ZBTB16: variants seen among roughly 807,000 people sequenced by gnomAD.
ZBTB16 encodes zinc finger and BTB domain-containing protein 16.
Under a neutral mutation model 56.8 loss-of-function variants are expected in ZBTB16, and 8 were observed. The observed-to-expected ratio is 0.14, with a 90% CI of 0.08 to 0.25. ZBTB16 has a LOEUF of 0.25. ZBTB16 is among the 10% of genes least tolerant of loss of function. ZBTB16 has a pLI of 1.00. For synonymous variants in ZBTB16, 363 were observed against 368.5 expected, an observed-to-expected ratio of 0.98 and a Z score of 0.17; for missense variants, 625 against 903.0, an observed-to-expected ratio of 0.69 and a Z score of 3.95.
chr11:114,064,114 G>T lies in ZBTB16; in HGVS notation c.814G>T (p.Val272Phe). Residue 272 changes from valine (V) to phenylalanine (F), a missense_variant, in exon 2 of 7, where the codon GTT becomes TTT. Coordinates refer to ENST00000335953, the MANE Select transcript of ZBTB16 (RefSeq NM_006006.6). The surrounding 1 kb of genome is among the most constrained non-coding windows in gnomAD (Gnocchi z 4.2). Reference protein sequence around the residue: ...SSISGGMGDKVEERGKEGPGT... With the variant: ...SSISGGMGDKFEERGKEGPGT... ...CATCTCAGGAGGGATGGGGGACAAGGTTGAGGAAAGAGGCAAAGAGGGGCC... is the reference window on the plus strand; with the variant it reads ...CATCTCAGGAGGGATGGGGGACAAGTTTGAGGAAAGAGGCAAAGAGGGGCC... The T allele has an allele frequency of 6.2e-7, 1 of 1,613,946 alleles. No homozygotes were observed. Among genetic ancestry groups the T allele is most frequent in the African/African-American group, 1.3e-5 (1 of 75,062 alleles).
At chr11:114,226,860 G>C in intron 4 of ZBTB16, among the ~76,000 whole-genome samples, 1 of 152,126 alleles carries the variant, frequency 6.6e-6, no homozygotes, top group East Asian at 1.9e-4. Flanking sequence ...TGGGCAATGT[G>C]CTCTTTTATT....
intron 4 of ZBTB16, among the ~76,000 whole-genome samples, chr11:114,218,040 A>G (rs572352797): frequency 6.6e-6 from 1 of 152,076 alleles, no homozygotes; most frequent in South Asian, 2.1e-4. Context: ...CTGGGGTAGG[A>G]GAGAAGAGGC....
chr11:114,250,509 C>A lies in ZBTB16; in HGVS notation c.1976C>A (p.Pro659His). ...GGCCACAAGCCCGAGGAGATCCCGCCCGACTGGAGGATAGAGAAGACGTAC... is the reference window on the plus strand; with the variant it reads ...GGCCACAAGCCCGAGGAGATCCCGCACGACTGGAGGATAGAGAAGACGTAC... ...MKGHKPEEIP[P>H]DWRIEKTYLY... The change falls in exon 7 of 7, where the codon CCC becomes CAC. Residue 659 changes from proline (P) to histidine (H), a missense_variant. Coordinates refer to ENST00000335953, the MANE Select transcript of ZBTB16 (RefSeq NM_006006.6). The surrounding 1 kb of genome is among the most constrained non-coding windows in gnomAD (Gnocchi z 6.0). 1 of 1,614,150 alleles carries A rather than the reference C, an allele frequency of 6.2e-7. No homozygotes were observed. Among genetic ancestry groups the A allele is most frequent in the Non-Finnish European group, 8.5e-7 (1 of 1,180,034 alleles).
intron 3 of ZBTB16, among the ~76,000 whole-genome samples, chr11:114,182,707 G>A (rs187070219): frequency 2.0e-5 from 3 of 152,068 alleles, no homozygotes; most frequent in Non-Finnish European, 4.4e-5. Flanking sequence ...CTCCCACTTC[G>A]CCCCCTCCCA....
At position 114,143,497 on chromosome 11, in the gene ZBTB16, T is replaced by A. The variant is rs1472503588; in HGVS notation, c.1269-12840T>A. ...GCTTCTAGGGATGGTACTGACCCTC[T>A]TGCCTAGTGAAATGTCCTTTTGGAA... On this transcript the variant is annotated intron_variant, in intron 2 of 6. Coordinates refer to ENST00000335953, the MANE Select transcript of ZBTB16 (RefSeq NM_006006.6). The surrounding 1 kb of genome is among the most constrained non-coding windows in gnomAD (Gnocchi z 6.4). Among the ~76,000 whole-genome samples, 1 of 152,158 alleles carries A rather than the reference T, an allele frequency of 6.6e-6. No homozygotes were observed. Among genetic ancestry groups the A allele is most frequent in the Non-Finnish European group, 1.5e-5 (1 of 68,012 alleles).
In ZBTB16 at chr11:114,059,949, G is replaced by A. The variant is rs1591626743; in HGVS notation, c.-91+67G>A. 7.6e-6 allele frequency: 3 copies of A among 395,538 alleles called. No homozygotes were observed. Among genetic ancestry groups the A allele is most frequent in the Non-Finnish European group, 1.3e-5 (3 of 224,488 alleles). 24.5% of individuals were successfully genotyped at this position (395,538 alleles called of 1,614,324 possible). ...CCGCGCGCCGGGGCTTCCCGGGGCT[G>A]GAGAGGTCTGGGGGGCGCGCGCTCG... On this transcript the variant is annotated intron_variant, in intron 1 of 6. Transcript: ENST00000335953. This position sits in a 1 kb window ranked among gnomAD's most constrained non-coding sequence, Gnocchi z 5.3.
At chr11:114,068,538 A>G (rs1939212031) in intron 2 of ZBTB16, among the ~76,000 whole-genome samples, 1 of 152,232 alleles carries the variant, frequency 6.6e-6, no homozygotes, top group African/African-American at 2.4e-5. Context: ...TGGGAAGACC[A>G]GACAAAGGCA....
At chr11:114,241,681 C>G (rs2135198808) in intron 4 of ZBTB16, among the ~76,000 whole-genome samples, 1 of 152,250 alleles carries the variant, frequency 6.6e-6, no homozygotes, top group African/African-American at 2.4e-5. Context: ...GCCTCAGTCT[C>G]CTTGTCTAAG....
At chr11:114,171,363 C>T (rs943366018) in intron 3 of ZBTB16, among the ~76,000 whole-genome samples, 13 of 152,320 alleles carry the variant, frequency 8.5e-5, no homozygotes, top group Non-Finnish European at 1.6e-4. Flanking sequence ...CACTGAACTC[C>T]ACCCCCATCC....
intron 3 of ZBTB16, among the ~76,000 whole-genome samples, chr11:114,183,880 G>T (rs141073191): frequency 0.01 from 1,565 of 152,324 alleles, 12 homozygotes; most frequent in Non-Finnish European, 0.016. Context: ...TGTCATGACT[G>T]CTTTGCTGTC....
chr11:114,177,242 C>T lies in ZBTB16; in HGVS notation c.1367-9710C>T, dbSNP rs147048010. ...GAGGCTGCGAAGTTGATGCTGGTAC[C>T]GTACCGGTAGAACCTTAAAGCCGTC... is the stretch of plus-strand genomic sequence containing the variant. On this transcript the variant is annotated intron_variant, in intron 3 of 6. Transcript: ENST00000335953. 4.8e-3 allele frequency among the ~76,000 whole-genome samples: 731 copies of T among 152,268 alleles called. 8 individuals carry two copies. Among genetic ancestry groups the T allele is most frequent in the African/African-American group, 0.015 (643 of 41,554 alleles).
chr11:114,135,071 G>A (rs951544418), intron 2 of ZBTB16, among the ~76,000 whole-genome samples: 1 of 152,210 alleles, frequency 6.6e-6, no homozygotes, highest in Non-Finnish European at 1.5e-5. Flanking sequence ...AGATCACACA[G>A]CTGTATACCC....
chr11:114,148,453 G>GTCCCTCTC (rs1196013929), intron 2 of ZBTB16, among the ~76,000 whole-genome samples: 1 of 53,770 alleles, frequency 1.9e-5, no homozygotes, highest in African/African-American at 6.3e-5. Context: ...CTCTCTGTCT[G>GTCCCTCTC]TCTGTCTCTC....
At chr11:114,198,439 T>C (rs17116632) in intron 4 of ZBTB16, among the ~76,000 whole-genome samples, 26,803 of 152,158 alleles carry the variant, frequency 0.18, 2,912 homozygotes, top group Middle Eastern at 0.33. Flanking sequence ...AGCTGCTTGC[T>C]GTAGAGTAGG....
At chr11:114,068,446 G>A (rs781036404) in intron 2 of ZBTB16, among the ~76,000 whole-genome samples, 7 of 152,062 alleles carry the variant, frequency 4.6e-5, no homozygotes, top group East Asian at 1.9e-4. Context: ...TTCCTGCAGC[G>A]GACAGCAAGA....
intron 4 of ZBTB16, among the ~76,000 whole-genome samples, chr11:114,235,659 T>TTTCC (rs1944555828): frequency 4.2e-5 from 1 of 23,710 alleles, no homozygotes; most frequent in East Asian, 2.4e-3. Flanking sequence ...TCTTTCTTTC[T>TTTCC]TTCTTTCTTT....
chr11:114,185,532 G>C (rs1279850139), intron 3 of ZBTB16, among the ~76,000 whole-genome samples: 1 of 152,234 alleles, frequency 6.6e-6, no homozygotes, highest in African/African-American at 2.4e-5. Context: ...GGGAGGCGTT[G>C]TATCTTCTTG....
chr11:114,135,171 T>G (rs1384999817), intron 2 of ZBTB16, among the ~76,000 whole-genome samples: 2 of 152,200 alleles, frequency 1.3e-5, no homozygotes, highest in Admixed American at 6.5e-5. Context: ...TGGCATACTG[T>G]GCCTGGGGTA....
intron 2 of ZBTB16, among the ~76,000 whole-genome samples, chr11:114,126,789 C>G (rs1945498982): frequency 6.6e-6 from 1 of 152,182 alleles, no homozygotes; most frequent in Admixed American, 6.5e-5. Flanking sequence ...AGAAGCCACT[C>G]ATGGCCTGAG....
Sources: gnomAD v4.1 joint callset for allele counts (sites outside exome capture counted in the v4.1 genomes callset) on GRCh38, gnomAD v4.1.1 for gene constraint, Gnocchi (gnomAD v3.1) non-coding constraint, MANE v1.5 for transcripts, NCBI Gene and HGNC (gene_info 2026-07-23, HGNC 2026-07-21) for gene names.